SIPA1L1: variants seen among roughly 807,000 people sequenced by gnomAD.
SIPA1L1 encodes the protein signal induced proliferation associated 1 like 1.
A neutral mutation model predicts 162.7 loss-of-function variants in SIPA1L1; 26 were observed. The ratio of observed to expected loss-of-function variants is 0.16; its 90% confidence interval spans 0.12 to 0.22. The LOEUF is 0.22. SIPA1L1 is among the 10% of genes least tolerant of loss of function. The probability of loss-of-function intolerance (pLI) is 1.00; values close to 1 mark genes in which losing one functional copy is unlikely to be tolerated. For missense variants in SIPA1L1, 1,874 were observed against 2,241.0 expected (o/e 0.84, Z 3.31); for synonymous variants, 829 against 837.4 (o/e 0.99, Z 0.17).
intron 2 of SIPA1L1, among the ~76,000 whole-genome samples, chr14:71,414,354 G>A (rs2042610437): frequency 6.6e-6 from 1 of 152,196 alleles, no homozygotes; most frequent in African/African-American, 2.4e-5. Context: ...ACTCCAGCCT[G>A]GGGGACAGGG....
At chr14:71,533,961 T>C (rs1030141509) in intron 4 of SIPA1L1, among the ~76,000 whole-genome samples, 1 of 152,050 alleles carries the variant, frequency 6.6e-6, no homozygotes, top group African/African-American at 2.4e-5. Context: ...CTGTGACTCA[T>C]GCGTGTAATC....
At chr14:71,475,906 C>T (rs1024675647) in intron 2 of SIPA1L1, among the ~76,000 whole-genome samples, 3 of 152,156 alleles carry the variant, frequency 2.0e-5, no homozygotes, top group African/African-American at 7.2e-5. Context: ...ATTATTTTAT[C>T]ATAGCATTTT....
At chr14:71,607,828 C>T (rs1224775897) in intron 5 of SIPA1L1, among the ~76,000 whole-genome samples, 1 of 152,176 alleles carries the variant, frequency 6.6e-6, no homozygotes, top group African/African-American at 2.4e-5. Context: ...AAAGTAACTA[C>T]CTTGCTTGCT....
intron 14 of SIPA1L1, 102 bp from the exon 15 acceptor site, chr14:71,702,279 G>C (rs1302891106): frequency 4.7e-6 from 6 of 1,266,420 alleles, no homozygotes; most frequent in Admixed American, 3.9e-5. Context: ...GCAAAAACCA[G>C]TAGTGCCTGT....
chr14:71,544,264 T>C (rs1197481855), intron 4 of SIPA1L1, among the ~76,000 whole-genome samples: 1 of 106,940 alleles, frequency 9.4e-6, no homozygotes, highest in Non-Finnish European at 2.5e-5. Context: ...ATACACATGA[T>C]ATGTGTATAT....
At chr14:71,515,982 C>A (rs1217078447) in intron 3 of SIPA1L1, among the ~76,000 whole-genome samples, 1 of 152,192 alleles carries the variant, frequency 6.6e-6, no homozygotes, top group Non-Finnish European at 1.5e-5. Flanking sequence ...AGATAGTTAT[C>A]TTTGATGCCA....
chr14:71,377,509 A>T lies in SIPA1L1; in HGVS notation c.-465+56328A>T, dbSNP rs542173761. ...CTTCCCAGACTGGGTGGCCAGGCAG[A>T]GGGGCTCCTCACATCCCAGACCATG... On this transcript the variant is annotated intron_variant, in intron 2 of 23. Coordinates refer to ENST00000381232, the MANE Select transcript of SIPA1L1 (RefSeq NM_001386936.1). The surrounding 1 kb of genome is among the most constrained non-coding windows in gnomAD (Gnocchi z 4.8). Among the ~76,000 whole-genome samples the T allele has an allele frequency of 6.3e-4, 95 of 151,390 alleles. No homozygotes were observed. The highest frequency in any genetic ancestry group is 1.1e-3 in the Non-Finnish European group (74 of 67,874).
At chr14:71,322,759 A>T (rs563372549) in intron 2 of SIPA1L1, among the ~76,000 whole-genome samples, 1 of 152,208 alleles carries the variant, frequency 6.6e-6, no homozygotes, top group African/African-American at 2.4e-5. Flanking sequence ...TAAGTAAAGG[A>T]CTCTTGAAGT....
At chr14:71,565,467 C>A (rs1320696204) in intron 4 of SIPA1L1, among the ~76,000 whole-genome samples, 2 of 152,148 alleles carry the variant, frequency 1.3e-5, no homozygotes, top group Non-Finnish European at 2.9e-5. Context: ...TGTAATCAAG[C>A]AAAAATTAAT....
At chr14:71,447,758 G>A (rs1158532898) in intron 2 of SIPA1L1, among the ~76,000 whole-genome samples, 3 of 151,442 alleles carry the variant, frequency 2.0e-5, no homozygotes, top group Admixed American at 6.6e-5. Context: ...TAGTAGAGAC[G>A]GGATTTTACC....
intron 2 of SIPA1L1, among the ~76,000 whole-genome samples, chr14:71,512,480 G>A (rs932217543): frequency 6.6e-6 from 1 of 151,340 alleles, no homozygotes; most frequent in African/African-American, 2.4e-5. Context: ...CCAGCTACTC[G>A]AGAGGTTGAG....
At chr14:71,330,906 C>G (rs1274358706) in intron 2 of SIPA1L1, among the ~76,000 whole-genome samples, 1 of 152,214 alleles carries the variant, frequency 6.6e-6, no homozygotes, top group African/African-American at 2.4e-5. Flanking sequence ...CTTTGATGCA[C>G]AAAAATTTTT....
At chr14:71,485,399 C>G (rs774441251) in intron 2 of SIPA1L1, among the ~76,000 whole-genome samples, 95 of 152,268 alleles carry the variant, frequency 6.2e-4, no homozygotes, top group Non-Finnish European at 1.1e-3. Flanking sequence ...ACAGCTGCTC[C>G]CCATTGCCCA....
chr14:71,536,258 T>G (rs935749223), intron 4 of SIPA1L1, among the ~76,000 whole-genome samples: 3 of 152,244 alleles, frequency 2.0e-5, no homozygotes, highest in African/African-American at 7.2e-5. Flanking sequence ...TGTTTGTTGG[T>G]TTCCTTCTCT....
At chr14:71,661,747 T>C (rs2043538052) in intron 10 of SIPA1L1, among the ~76,000 whole-genome samples, 1 of 152,130 alleles carries the variant, frequency 6.6e-6, no homozygotes, top group Non-Finnish European at 1.5e-5. Context: ...AACTAATTAC[T>C]CATATTGCTA....
intron 2 of SIPA1L1, among the ~76,000 whole-genome samples, chr14:71,331,304 T>A (rs2034513813): frequency 6.6e-6 from 1 of 152,220 alleles, no homozygotes; most frequent in Admixed American, 6.5e-5. Flanking sequence ...GGTAATATGT[T>A]CTGAAATCGG....
chr14:71,540,815 G>A (rs1007986727), intron 4 of SIPA1L1, among the ~76,000 whole-genome samples: 2 of 152,042 alleles, frequency 1.3e-5, no homozygotes, highest in African/African-American at 4.8e-5. Flanking sequence ...AAGCCAAGCT[G>A]TAACGCATTA....
intron 2 of SIPA1L1, among the ~76,000 whole-genome samples, chr14:71,447,121 G>T (rs947480459): frequency 6.7e-6 from 1 of 150,162 alleles, no homozygotes; most frequent in Non-Finnish European, 1.5e-5. Flanking sequence ...TCACTGTGTT[G>T]CCCAGGCTGG....
intron 2 of SIPA1L1, among the ~76,000 whole-genome samples, chr14:71,508,692 A>G (rs1183019795): frequency 6.6e-6 from 1 of 152,140 alleles, no homozygotes; most frequent in African/African-American, 2.4e-5. Flanking sequence ...TATGCATATC[A>G]TGTTTCCTTG....
Sources: allele counts gnomAD v4.1 joint callset (sites outside exome capture counted in the v4.1 genomes callset), GRCh38; gene constraint gnomAD v4.1.1; non-coding constraint Gnocchi (gnomAD v3.1); transcripts MANE v1.5; gene names NCBI Gene and HGNC (gene_info 2026-07-23, HGNC 2026-07-21).